Variants in ALKBH3 observed in about 807,000 individuals in gnomAD.
ALKBH3 encodes alpha-ketoglutarate-dependent dioxygenase alkB homolog 3.
ALKBH3 carries 51 observed loss-of-function variants against 43.9 expected under a neutral mutation model. The ratio of observed to expected loss-of-function variants is 1.16; its 90% confidence interval spans 0.93 to 1.47. The LOEUF (loss-of-function observed/expected upper bound fraction) is 1.47, where lower values mean the gene tolerates loss of function less well. Among genes scored for constraint, ALKBH3 ranks in the 40% most tolerant of loss-of-function variants. The pLI is 0.00. For missense variants in ALKBH3, 361 were observed against 351.9 expected (o/e 1.03, Z -0.21); for synonymous variants, 102 against 115.2 (o/e 0.89, Z 0.73).
chr11:43,904,335 A>C (rs1951882223), intron 8 of ALKBH3, among the ~76,000 whole-genome samples: 1 of 152,230 alleles, frequency 6.6e-6, no homozygotes, highest in Admixed American at 6.5e-5. Flanking sequence ...TTGGTACTTC[A>C]GGTTGTTGAC....
rs372274758 is a variant in ALKBH3, at chr11:43,884,099, C to G, written c.218+82C>G. Reference sequence around the variant, plus strand: ...AATCTTTCCTCACTGTTTTTTCTATCTGGAAGAGAATGGCCCAATAAGTGT... The same window carrying G: ...AATCTTTCCTCACTGTTTTTTCTATGTGGAAGAGAATGGCCCAATAAGTGT... On this transcript the variant is annotated intron_variant, in intron 4 of 9. Transcript: ENST00000302708. The G allele has an allele frequency of 1.7e-4, 265 of 1,541,066 alleles. 2 individuals are homozygous for G. The African/African-American group carries it at 3.4e-3, about 20-fold the overall frequency.
intron 7 of ALKBH3, among the ~76,000 whole-genome samples, chr11:43,900,215 ATTTTTTTTTTTT>A (rs34274072): frequency 1.1e-5 from 1 of 87,150 alleles, no homozygotes; most frequent in Admixed American, 1.4e-4. Flanking sequence ...TTTTAATTTA[ATTTTTTTTTTTT>A]TTTTTTTTTT....
chr11:43,896,159 T>G lies in ALKBH3; in HGVS notation c.459+4030T>G, dbSNP rs149675963. Among the ~76,000 whole-genome samples the G allele has an allele frequency of 1.2e-3, 177 of 152,206 alleles. 1 individual carries two copies. Among genetic ancestry groups the G allele is most frequent in the East Asian group, 5.6e-3 (29 of 5,178 alleles). The stretch of plus-strand genomic sequence containing the variant: ...CTTCAAGGAAAACAATGGACAAGAT[T>G]TTTTTTACTAATGATAAAAGTTAGG... On this transcript the variant is annotated intron_variant, in intron 7 of 9. Coordinates refer to ENST00000302708, the MANE Select transcript of ALKBH3 (RefSeq NM_139178.4).
chr11:43,916,385 A>G (rs1019739288), intron 8 of ALKBH3, among the ~76,000 whole-genome samples: 1 of 152,234 alleles, frequency 6.6e-6, no homozygotes, highest in Admixed American at 6.5e-5. Flanking sequence ...CATTAATATA[A>G]AAATACATGT....
At position 43,882,677 on chromosome 11, in the gene ALKBH3, C is replaced by G. The variant is rs1279859258; in HGVS notation, c.25C>G (p.Arg9Gly). 1.9e-6 allele frequency: 3 copies of G among 1,613,160 alleles called. No individual in the cohort carries two copies. Among genetic ancestry groups the G allele is most frequent in the East Asian group, 2.2e-5 (1 of 44,830 alleles). Residue 9 changes from arginine to glycine, a missense_variant, in exon 2 of 10, where the codon CGA (arginine) becomes GGA (glycine). Physicochemically the swap from Arg to Gly is moderately radical, Grantham distance 125 (BLOSUM62 -2). Coordinates refer to ENST00000302708, the MANE Select transcript of ALKBH3 (RefSeq NM_139178.4). MEEKRRRARVQGAWAAPVK... is the reference protein window; with the variant it reads MEEKRRRAGVQGAWAAPVK... ...CATGGAGGAAAAAAGACGGCGAGCC[C>G]GAGTTCAGGGAGCCTGGGCTGCCCC...
At chr11:43,908,786 G>A (rs1951915148) in intron 8 of ALKBH3, among the ~76,000 whole-genome samples, 1 of 152,138 alleles carries the variant, frequency 6.6e-6, no homozygotes, top group Admixed American at 6.5e-5. Context: ...CAATTTCATT[G>A]ACATTTCAAT....
chr11:43,907,385 A>G lies in ALKBH3; in HGVS notation c.669+5660A>G, dbSNP rs553416440. On this transcript the variant is annotated intron_variant, in intron 8 of 9. Transcript: ENST00000302708. ...CCCTGACTCCCACTGGGAATAATTGATTTTTGCAACAAGCCTCCCAGTTTT... is the reference window on the plus strand; with the variant it reads ...CCCTGACTCCCACTGGGAATAATTGGTTTTTGCAACAAGCCTCCCAGTTTT... Among the ~76,000 whole-genome samples the G allele has an allele frequency of 2.6e-5, 4 of 152,202 alleles. No homozygotes were observed. In the East Asian group the frequency reaches 7.7e-4, roughly 29 times the overall value.
At chr11:43,898,034 C>T (rs999847148) in intron 7 of ALKBH3, 8 of 907,318 alleles carry the variant, frequency 8.8e-6, no homozygotes, top group South Asian at 1.3e-5. Context: ...AAACAAGCAG[C>T]GTCCATGGCT....
chr11:43,887,062 C>T (rs1475311375), intron 5 of ALKBH3, among the ~76,000 whole-genome samples: 1 of 152,032 alleles, frequency 6.6e-6, no homozygotes, highest in African/African-American at 2.4e-5. Context: ...ATGACAAAAG[C>T]GTACCTATAT....
At chr11:43,883,384 A>G (rs1951725133) in intron 3 of ALKBH3, among the ~76,000 whole-genome samples, 196 bp downstream of exon 3, 1 of 152,136 alleles carries the variant, frequency 6.6e-6, no homozygotes, top group Admixed American at 6.5e-5. Flanking sequence ...CTCCCAGTTT[A>G]TGGTCACATG....
intron 8 of ALKBH3, chr11:43,909,167 A>T (rs912489678): frequency 2.0e-5 from 3 of 152,212 alleles, no homozygotes; most frequent in African/African-American, 4.8e-5. Context: ...CTGGCTTCTT[A>T]CTTTAGCAGA....
At chr11:43,883,377 C>G (rs1951725110) in intron 3 of ALKBH3, among the ~76,000 whole-genome samples, 189 bp downstream of exon 3, 1 of 152,110 alleles carries the variant, frequency 6.6e-6, no homozygotes, top group Non-Finnish European at 1.5e-5. Flanking sequence ...TAGTCTGCTC[C>G]CAGTTTATGG....
At chr11:43,905,390 A>C (rs1227971793) in intron 8 of ALKBH3, among the ~76,000 whole-genome samples, 1 of 150,622 alleles carries the variant, frequency 6.6e-6, no homozygotes, top group Non-Finnish European at 1.5e-5. Context: ...TGTAGACATC[A>C]TCTCTCGGAT....
chr11:43,882,446 G>A, intron 1 of ALKBH3, 137 bp from the exon 2 acceptor site: 1 of 453,980 alleles, frequency 2.2e-6, no homozygotes, highest in East Asian at 3.6e-5. Context: ...TGAATGAAAT[G>A]TTGTGATGAC....
At chr11:43,904,691 CT>C (rs1321680124) in intron 8 of ALKBH3, among the ~76,000 whole-genome samples, 1 of 152,110 alleles carries the variant, frequency 6.6e-6, no homozygotes, top group Non-Finnish European at 1.5e-5. Flanking sequence ...TCATCTTTAT[CT>C]TATAAATAAT....
intron 8 of ALKBH3, among the ~76,000 whole-genome samples, chr11:43,902,500 G>A (rs371076237): frequency 1.5e-4 from 23 of 152,328 alleles, no homozygotes; most frequent in African/African-American, 5.5e-4. Flanking sequence ...TATTTTCAGT[G>A]TTTGTGTCTC....
chr11:43,915,098 C>T (rs1441645306), intron 8 of ALKBH3, among the ~76,000 whole-genome samples: 1 of 151,758 alleles, frequency 6.6e-6, no homozygotes, highest in Non-Finnish European at 1.5e-5. Context: ...ATCCCAGCTA[C>T]TCGGGAGGCT....
intron 8 of ALKBH3, among the ~76,000 whole-genome samples, chr11:43,911,837 G>C (rs1419273189): frequency 1.3e-5 from 2 of 152,086 alleles, no homozygotes; most frequent in Non-Finnish European, 2.9e-5. Context: ...ATAAAAAAGG[G>C]AGCGGCCAGG....
intron 7 of ALKBH3, among the ~76,000 whole-genome samples, chr11:43,896,932 T>C (rs1183806934): frequency 6.6e-6 from 1 of 152,174 alleles, no homozygotes; most frequent in African/African-American, 2.4e-5. Flanking sequence ...TATTTTTTTT[T>C]ATTTAAAGCA....
Sources: allele counts gnomAD v4.1 joint callset (sites outside exome capture counted in the v4.1 genomes callset), GRCh38; gene constraint gnomAD v4.1.1; transcripts MANE v1.5; gene names NCBI Gene and HGNC (gene_info 2026-07-23, HGNC 2026-07-21).